TCF7L2: variants seen among roughly 807,000 people sequenced by gnomAD.
TCF7L2 encodes transcription factor 7 like 2.
TCF7L2 carries 23 observed loss-of-function variants against 77.9 expected under a neutral mutation model. The observed-to-expected ratio is 0.30, with a 90% CI of 0.21 to 0.42. The LOEUF (loss-of-function observed/expected upper bound fraction) is 0.42, where lower values mean the gene tolerates loss of function less well. Among genes scored for constraint, TCF7L2 ranks in the 10% least tolerant of loss-of-function variants. The pLI, the probability that TCF7L2 is intolerant of heterozygous loss-of-function variation, is 1.00. For synonymous variants in TCF7L2, 413 were observed against 340.2 expected, an observed-to-expected ratio of 1.21 and a Z score of -2.36; for missense variants, 654 against 793.1, an observed-to-expected ratio of 0.82 and a Z score of 2.11.
rs1405377171 is a variant in TCF7L2 at position 113,053,761 on chromosome 10, CT to C, written c.552+13639del. ...CACTGAGCACTCACTAGCTCCAGGC[CT>C]TTTCTAAGTAATTTATGAAGTTGTC... On this transcript the variant is annotated intron_variant, in intron 5 of 13. Transcript: ENST00000627217. Among the ~76,000 whole-genome samples the C allele has an allele frequency of 5.9e-5, 9 of 152,114 alleles. No homozygotes were observed. The East Asian group carries it at 1.7e-3, about 29-fold the overall frequency.
intron 4 of TCF7L2, among the ~76,000 whole-genome samples, chr10:113,022,566 C>A (rs925218517): frequency 2.0e-5 from 3 of 152,186 alleles, no homozygotes; most frequent in Non-Finnish European, 2.9e-5. Context: ...GTGTTCATTT[C>A]CCCCTTAAGC....
At chr10:113,111,087 T>C (rs988541310) in intron 5 of TCF7L2, among the ~76,000 whole-genome samples, 4 of 151,890 alleles carry the variant, frequency 2.6e-5, no homozygotes, top group Non-Finnish European at 5.9e-5. Context: ...GCTTCTTCTC[T>C]AGCATATAAA....
chr10:113,141,237 T>C lies in TCF7L2; in HGVS notation c.606T>C (p.Pro202=), dbSNP rs756113091. 16 of 1,613,988 alleles carry C rather than the reference T, an allele frequency of 9.9e-6. No homozygotes were observed. In the Middle Eastern group the frequency reaches 6.6e-4, roughly 66 times the overall value. ...CTCACCATGTCCACCCCCTCACGCC[T>C]CTTATCACGTACAGCAATGAACACT... Residue 202 remains proline (P), a synonymous_variant, in exon 6 of 14, where the codon CCT becomes CCC. Transcript: ENST00000627217.
chr10:113,150,498 C>T (rs1164004958), intron 8 of TCF7L2, among the ~76,000 whole-genome samples: 2 of 152,188 alleles, frequency 1.3e-5, no homozygotes, highest in Non-Finnish European at 2.9e-5. Flanking sequence ...TATTGCACTT[C>T]ATCAACAGGA....
rs539523304 is a variant in TCF7L2, at chr10:113,132,121, G to A, written c.553-9063G>A. On this transcript the variant is annotated intron_variant, in intron 5 of 13. Coordinates refer to ENST00000627217, the MANE Select transcript of TCF7L2 (RefSeq NM_001146274.2). ...CTTTGTGTTCGTCTTCCTTTCTGTC[G>A]GTCTTTGCTGAATCACAGGGTTTGA... is the stretch of plus-strand genomic sequence containing the variant. 3.3e-5 allele frequency: 5 copies of A among 152,330 alleles called. No individual in the cohort carries two copies. The East Asian group carries it at 9.7e-4, about 29-fold the overall frequency. The allele number at this position is 152,330 out of a possible 1,614,324, so 9.4% of individuals were successfully genotyped here. A position where few individuals can be genotyped will look rare whatever the true frequency, so the allele number is the denominator to read the frequency against.
At chr10:113,050,506 G>T (rs1423264518) in intron 5 of TCF7L2, among the ~76,000 whole-genome samples, 1 of 152,108 alleles carries the variant, frequency 6.6e-6, no homozygotes, top group African/African-American at 2.4e-5. Context: ...GAAAGGAGAC[G>T]CCAACCTTGA....
Position 112,951,579 on chromosome 10 carries a change from A to G in TCF7L2, c.353A>G (p.Asn118Ser), listed in dbSNP as rs1280742425. 1 of 1,350,864 alleles carries G rather than the reference A, an allele frequency of 7.4e-7. No individual in the cohort carries two copies. The highest frequency in any genetic ancestry group is 2.2e-5 in the Admixed American group (1 of 44,462). 83.7% of individuals were successfully genotyped at this position (1,350,864 alleles called of 1,614,324 possible). A position where few individuals can be genotyped will look rare whatever the true frequency, so the allele number is the denominator to read the frequency against. Reference sequence around the variant, plus strand: ...GACCTGACGAGCCCCTACCTCCCCAACGGATCGCTCTCGCCCACCGCCCGA... The same window carrying G: ...GACCTGACGAGCCCCTACCTCCCCAGCGGATCGCTCTCGCCCACCGCCCGA... Residue 118 changes from asparagine (N) to serine (S), a missense_variant, in exon 3 of 14, where the codon AAC (asparagine) becomes AGC (serine). Asn to Ser is a conservative substitution (Grantham distance 46). Coordinates refer to ENST00000627217, the MANE Select transcript of TCF7L2 (RefSeq NM_001146274.2).
At chr10:113,040,646 A>C (rs748673321) in intron 5 of TCF7L2, among the ~76,000 whole-genome samples, 1 of 152,206 alleles carries the variant, frequency 6.6e-6, no homozygotes, top group South Asian at 2.1e-4. Flanking sequence ...TGAACTTTGA[A>C]AGGCTAAAAT....
chr10:113,136,381 G>T (rs2067398903), intron 5 of TCF7L2, among the ~76,000 whole-genome samples: 1 of 152,206 alleles, frequency 6.6e-6, no homozygotes, highest in South Asian at 2.1e-4. Context: ...GACTTCGGCA[G>T]CTGTGGTATA....
intron 5 of TCF7L2, among the ~76,000 whole-genome samples, chr10:113,094,730 A>T (rs1465517392): frequency 6.6e-6 from 1 of 152,204 alleles, no homozygotes; most frequent in East Asian, 1.9e-4. Context: ...ACACTTTCCT[A>T]TATATGCCAC....
At chr10:113,073,164 TAGAG>T (rs1298393817) in intron 5 of TCF7L2, among the ~76,000 whole-genome samples, 3 of 116,112 alleles carry the variant, frequency 2.6e-5, no homozygotes, top group African/African-American at 6.8e-5. Context: ...GAGAGAGAGA[TAGAG>T]AGAAACATAA....
intron 3 of TCF7L2, among the ~76,000 whole-genome samples, chr10:112,959,982 GT>G (rs35263806): frequency 0.53 from 80,070 of 149,818 alleles, 21,212 homozygotes; most frequent in African/African-American, 0.57. Context: ...GAAATGATCT[GT>G]TTTTTTTTTT....
chr10:113,036,688 C>CTTTCTTTCTTTCT (rs1554964172), intron 4 of TCF7L2, among the ~76,000 whole-genome samples: 3 of 150,528 alleles, frequency 2.0e-5, no homozygotes, highest in Non-Finnish European at 4.4e-5. Flanking sequence ...TTCTTTCTTT[C>CTTTCTTTCTTTCT]TTTTTTTTTA....
chr10:113,063,902 G>A (rs1463058561), intron 5 of TCF7L2, among the ~76,000 whole-genome samples: 1 of 150,962 alleles, frequency 6.6e-6, no homozygotes, highest in African/African-American at 2.4e-5. Flanking sequence ...GCGTGTGTGT[G>A]TGTGTGTGTG....
chr10:112,973,123 T>C (rs7917983), intron 4 of TCF7L2, among the ~76,000 whole-genome samples: 87,167 of 152,058 alleles, frequency 0.57, 26,573 homozygotes, highest in African/African-American at 0.79. Flanking sequence ...CATTTAGGGA[T>C]TAGGTCAGTG....
chr10:113,080,400 C>A lies in TCF7L2; in HGVS notation c.552+40274C>A, dbSNP rs530665548. On this transcript the variant is annotated intron_variant, in intron 5 of 13. Coordinates refer to ENST00000627217, the MANE Select transcript of TCF7L2 (RefSeq NM_001146274.2). ...ATACTCTCTGACACAGAGGTGACTG[C>A]CTAAGCAGTCAGATTTGCGACAGTG... Among the ~76,000 whole-genome samples, 35 of 152,026 alleles carry A rather than the reference C, an allele frequency of 2.3e-4. No individual in the cohort carries two copies. In the South Asian group the frequency reaches 7.3e-3, roughly 32 times the overall value.
intron 8 of TCF7L2, among the ~76,000 whole-genome samples, chr10:113,148,066 G>T (rs767333686): frequency 5.3e-5 from 8 of 152,214 alleles, no homozygotes; most frequent in Non-Finnish European, 7.3e-5. Context: ...TAGGCAGCTT[G>T]CCCTGTTCCA....
intron 4 of TCF7L2, among the ~76,000 whole-genome samples, chr10:112,999,418 C>T (rs1564765712): frequency 6.6e-6 from 1 of 152,174 alleles, no homozygotes; most frequent in Non-Finnish European, 1.5e-5. Flanking sequence ...TTTACGAGTC[C>T]TTCTTATTAT....
chr10:112,990,107 G>A (rs2042258707), intron 4 of TCF7L2, among the ~76,000 whole-genome samples: 1 of 152,092 alleles, frequency 6.6e-6, no homozygotes, highest in Non-Finnish European at 1.5e-5. Flanking sequence ...AAAGACAATT[G>A]CCTGCCTCTC....
Sources: allele counts gnomAD v4.1 joint callset (sites outside exome capture counted in the v4.1 genomes callset), GRCh38; gene constraint gnomAD v4.1.1; transcripts MANE v1.5; gene names NCBI Gene and HGNC (gene_info 2026-07-23, HGNC 2026-07-21).